The following SAE1 variants were observed in gnomAD, a reference collection of about 807,000 sequenced individuals.
SAE1 encodes SUMO-activating enzyme subunit 1.
SAE1 carries 11 observed loss-of-function variants against 40.6 expected under a neutral mutation model. The ratio of observed to expected loss-of-function variants is 0.27; its 90% CI spans 0.17 to 0.45. The LOEUF is 0.45. Among genes scored for constraint, SAE1 ranks in the 20% least tolerant of loss-of-function variants. SAE1 has a pLI of 1.00. For missense variants in SAE1, 373 were observed against 427.3 expected (o/e 0.87, Z 1.12); for synonymous variants, 155 against 154.3 (o/e 1.00, Z -0.03).
chr19:47,175,583 C>T (rs977841524), intron 6 of SAE1, among the ~76,000 whole-genome samples: 13 of 152,016 alleles, frequency 8.6e-5, no homozygotes, highest in African/African-American at 2.9e-4. Context: ...CTAAAAAACA[C>T]AAAAATTAGC....
At chr19:47,198,525 T>C (rs915805615) in intron 7 of SAE1, among the ~76,000 whole-genome samples, 3 of 152,178 alleles carry the variant, frequency 2.0e-5, no homozygotes, top group Non-Finnish European at 2.9e-5. Flanking sequence ...GTAGCAGTGA[T>C]AATGATGGCT....
intron 8 of SAE1, 124 bp downstream of exon 8, chr19:47,203,864 C>A: frequency 2.4e-6 from 2 of 849,450 alleles, no homozygotes; most frequent in Non-Finnish European, 3.8e-6. Context: ...TTGTTTCATG[C>A]CCTCCCCATT....
In SAE1 at chr19:47,155,095, T is replaced by G. The variant is rs2058313162; in HGVS notation, c.528-19T>G. ...ATTCCTAGGGTAAAATTACATTCTC[T>G]CCCCTTGTCACCCTCTAGGGAGAAA... On this transcript the variant is annotated intron_variant, in intron 4 of 8. Coordinates refer to ENST00000270225, the MANE Select transcript of SAE1 (RefSeq NM_005500.3). 2.8e-6 allele frequency: 4 copies of G among 1,448,086 alleles called. No individual in the cohort carries two copies. The highest frequency in any genetic ancestry group is 3.9e-6 in the Non-Finnish European group (4 of 1,029,918). 89.7% of individuals were successfully genotyped at this position (1,448,086 alleles called of 1,614,324 possible).
chr19:47,201,184 G>T (rs976847551), intron 7 of SAE1, among the ~76,000 whole-genome samples: 3 of 151,818 alleles, frequency 2.0e-5, no homozygotes, highest in Non-Finnish European at 4.4e-5. Flanking sequence ...GAGTAGCTGG[G>T]ACTACAGGCG....
chr19:47,161,155 GC>G (rs1296093783), intron 5 of SAE1, among the ~76,000 whole-genome samples: 1 of 149,130 alleles, frequency 6.7e-6, no homozygotes, highest in African/African-American at 2.5e-5. Flanking sequence ...ACAGGCATGT[GC>G]CACCATGCTC....
intron 1 of SAE1, among the ~76,000 whole-genome samples, chr19:47,138,099 A>G (rs1227298934): frequency 6.6e-6 from 1 of 151,238 alleles, no homozygotes; most frequent in East Asian, 2.0e-4. Flanking sequence ...GCTGGAGTGC[A>G]ATGGCGTGAT....
intron 6 of SAE1, among the ~76,000 whole-genome samples, chr19:47,192,032 C>T (rs1281728047): frequency 7.0e-6 from 1 of 142,142 alleles, no homozygotes; most frequent in Non-Finnish European, 1.5e-5. Context: ...CCAGCCTGGG[C>T]AACAGAGCGA....
At position 47,147,199 on chromosome 19, in the gene SAE1, GTTTTTTT is replaced by G. The variant is rs397859917; in HGVS notation, c.211-2981_211-2975del. On this transcript the variant is annotated intron_variant, in intron 2 of 8. Coordinates refer to ENST00000270225, the MANE Select transcript of SAE1 (RefSeq NM_005500.3). ...TGAAATGATAATTGTATGTGTATGG[GTTTTTTT>G]TTTTTTTTTTTTTTTTTTTTTGAGG... 8.5e-3 allele frequency among the ~76,000 whole-genome samples: 519 copies of G among 60,996 alleles called. 8 individuals are homozygous for G. Among genetic ancestry groups the G allele is most frequent in the African/African-American group, 0.032 (473 of 14,742 alleles). 40.0% of individuals were successfully genotyped at this position (60,996 alleles called of 152,430 possible). A position where few individuals can be genotyped will look rare whatever the true frequency, so the allele number is the denominator to read the frequency against.
intron 7 of SAE1, among the ~76,000 whole-genome samples, chr19:47,200,542 T>C (rs1323280391): frequency 6.6e-6 from 1 of 152,006 alleles, no homozygotes; most frequent in East Asian, 1.9e-4. Flanking sequence ...TTAATACTTA[T>C]TTATTTTTGT....
intron 1 of SAE1, among the ~76,000 whole-genome samples, chr19:47,131,558 A>G (rs973300787): frequency 6.6e-6 from 1 of 151,930 alleles, no homozygotes; most frequent in African/African-American, 2.4e-5. Flanking sequence ...GTTATCTCAA[A>G]TGGGAATCTT....
At position 47,208,936 on chromosome 19, in the gene SAE1, G is replaced by A. The variant is rs1053434769; in HGVS notation, c.949-223G>A. Among the ~76,000 whole-genome samples the A allele has an allele frequency of 4.6e-5, 7 of 152,278 alleles. No individual in the cohort carries two copies. The South Asian group carries it at 1.4e-3, about 32-fold the overall frequency. On this transcript the variant is annotated intron_variant, in intron 8 of 8. Coordinates refer to ENST00000270225, the MANE Select transcript of SAE1 (RefSeq NM_005500.3). ...TCTCATGTTAGGAAAATAAGGTAAT[G>A]TTTGGAGAGGTTAAATAATCTCCCC...
At chr19:47,207,491 G>A (rs747923160) in intron 8 of SAE1, among the ~76,000 whole-genome samples, 32 of 152,098 alleles carry the variant, frequency 2.1e-4, no homozygotes, top group Non-Finnish European at 4.3e-4. Flanking sequence ...GTAGCTTGTG[G>A]TGAAATTTCA....
intron 5 of SAE1, among the ~76,000 whole-genome samples, chr19:47,166,469 G>T (rs980486337): frequency 2.0e-5 from 3 of 152,088 alleles, no homozygotes; most frequent in African/African-American, 7.2e-5. Flanking sequence ...CATCATATAT[G>T]GGTCTTCATT....
Position 47,165,300 on chromosome 19 carries a change from G to C in SAE1, c.628-4518G>C, listed in dbSNP as rs2058385839. On this transcript the variant is annotated intron_variant, in intron 5 of 8. Transcript: ENST00000270225. The stretch of plus-strand genomic sequence containing the variant: ...AGACGGGGTTTCACCATGTTGGCCA[G>C]GCTGGTCTCGAACTCCTGACCTCAG... Among the ~76,000 whole-genome samples, 3 of 151,886 alleles carry C rather than the reference G, an allele frequency of 2.0e-5. No individual in the cohort carries two copies. In the South Asian group the frequency reaches 6.2e-4, roughly 32 times the overall value.
chr19:47,166,608 C>T (rs564407267), intron 5 of SAE1, among the ~76,000 whole-genome samples: 2 of 152,214 alleles, frequency 1.3e-5, no homozygotes, highest in East Asian at 1.9e-4. Context: ...TTAGTTGGTT[C>T]GTTGCTTATA....
intron 6 of SAE1, among the ~76,000 whole-genome samples, chr19:47,184,560 G>A (rs1016142988): frequency 1.3e-5 from 2 of 151,658 alleles, no homozygotes; most frequent in South Asian, 2.1e-4. Context: ...ACAGGCACCC[G>A]CCACCATGCC....
chr19:47,151,435 G>A (rs1239822123), intron 3 of SAE1, among the ~76,000 whole-genome samples: 1 of 151,840 alleles, frequency 6.6e-6, no homozygotes, highest in Non-Finnish European at 1.5e-5. Context: ...ACAGGTGTGA[G>A]CCACTGCACC....
At chr19:47,135,136 G>A (rs2058170408) in intron 1 of SAE1, among the ~76,000 whole-genome samples, 1 of 151,820 alleles carries the variant, frequency 6.6e-6, no homozygotes, top group Non-Finnish European at 1.5e-5. Flanking sequence ...GGGTAAATGG[G>A]GTATCCACCA....
At chr19:47,159,426 G>A (rs1421746722) in intron 5 of SAE1, among the ~76,000 whole-genome samples, 1 of 152,106 alleles carries the variant, frequency 6.6e-6, no homozygotes, top group African/African-American at 2.4e-5. Context: ...GGGGAAGGTA[G>A]TCTTGTTCAC....
Sources: gnomAD v4.1 joint callset for allele counts (sites outside exome capture counted in the v4.1 genomes callset) on GRCh38, gnomAD v4.1.1 for gene constraint, MANE v1.5 for transcripts, NCBI Gene and HGNC (gene_info 2026-07-23, HGNC 2026-07-21) for gene names.